CCDC102A: variants seen among roughly 807,000 people sequenced by gnomAD.
The protein encoded by CCDC102A is coiled-coil domain-containing protein 102A.
Under a neutral mutation model 55.5 loss-of-function variants are expected in CCDC102A, and 40 were observed. The observed-to-expected ratio is 0.72, with a 90% CI of 0.56 to 0.94. CCDC102A has a LOEUF of 0.94. Among genes scored for constraint, CCDC102A ranks in the 40% least tolerant of loss-of-function variants. The pLI is 0.00. For synonymous variants in CCDC102A, 323 were observed against 339.0 expected, an observed-to-expected ratio of 0.95 and a Z score of 0.52; for missense variants, 779 against 768.6, an observed-to-expected ratio of 1.01 and a Z score of -0.16.
chr16:57,524,734 G>C (rs182205251), intron 3 of CCDC102A, among the ~76,000 whole-genome samples: 1 of 151,966 alleles, frequency 6.6e-6, no homozygotes, highest in Non-Finnish European at 1.5e-5. Flanking sequence ...AAAGGAGTGT[G>C]TAGATAGGTT....
rs781545736 is a variant in CCDC102A, at chr16:57,528,754, C to T, written c.424G>A (p.Glu142Lys). 7.7e-6 allele frequency: 9 copies of T among 1,175,774 alleles called. No individual in the cohort carries two copies. Among genetic ancestry groups the T allele is most frequent in the Non-Finnish European group, 3.2e-6 (3 of 944,464 alleles). 72.8% of individuals were successfully genotyped at this position (1,175,774 alleles called of 1,614,324 possible). A position where few individuals can be genotyped will look rare whatever the true frequency, so the allele number is the denominator to read the frequency against. ...CACTCGCCCTGCGCCTCTTGGCGCTCGCGCCGTGCGCCCGCCAGCTCCTTG... is the reference window on the plus strand; with the variant it reads ...CACTCGCCCTGCGCCTCTTGGCGCTTGCGCCGTGCGCCCGCCAGCTCCTTG... ...LTKELAGARR[E>K]RQEAQGECEA... The change falls in exon 2 of 9, where the codon GAG becomes AAG. Residue 142 changes from glutamate (E) to lysine (K), a missense_variant. Glu to Lys is a moderately conservative substitution (Grantham distance 56, BLOSUM62 1). Coordinates refer to ENST00000258214, the MANE Select transcript of CCDC102A (RefSeq NM_033212.4).
At chr16:57,518,591 C>A in intron 5 of CCDC102A, 34 bp downstream of exon 5, 1 of 1,552,726 alleles carries the variant, frequency 6.4e-7, no homozygotes, top group Non-Finnish European at 8.9e-7. Flanking sequence ...GACCCCTAAA[C>A]CCAGGTCCTC....
chr16:57,529,289 C>G lies in CCDC102A; in HGVS notation c.-112G>C. The G allele has an allele frequency of 8.9e-7, 1 of 1,118,858 alleles. No homozygotes were observed. The highest frequency in any genetic ancestry group is 1.1e-6 in the Non-Finnish European group (1 of 914,298). 69.3% of individuals were successfully genotyped at this position (1,118,858 alleles called of 1,614,324 possible). ...GCATGATGACGCCGTGCCCCGCTTCCCTCTGGGCCACCGGGCGGAGGACGC... is the reference window on the plus strand; with the variant it reads ...GCATGATGACGCCGTGCCCCGCTTCGCTCTGGGCCACCGGGCGGAGGACGC... On this transcript the variant is annotated 5_prime_UTR_variant, in exon 2 of 9. Coordinates refer to ENST00000258214, the MANE Select transcript of CCDC102A (RefSeq NM_033212.4). This position sits in a 1 kb window ranked among gnomAD's most constrained non-coding sequence, Gnocchi z 4.1.
rs1000678885 is a variant in CCDC102A at position 57,529,776 on chromosome 16, A to G, written c.-147-452T>C. On this transcript the variant is annotated intron_variant, in intron 1 of 8. Transcript: ENST00000258214. The surrounding 1 kb of genome is among the most constrained non-coding windows in gnomAD (Gnocchi z 4.1). ...TGGAGCACTTCAGGCCAGGTCCATC[A>G]GCCCCTTATGTGTCTCCATCACTGC... 1.6e-4 allele frequency among the ~76,000 whole-genome samples: 25 copies of G among 152,144 alleles called. No homozygotes were observed. The highest frequency in any genetic ancestry group is 5.8e-4 in the African/African-American group (24 of 41,436).
intron 6 of CCDC102A, among the ~76,000 whole-genome samples, chr16:57,517,059 A>G (rs1257287242): frequency 6.6e-6 from 1 of 152,084 alleles, no homozygotes; most frequent in Non-Finnish European, 1.5e-5. Context: ...CTTGTTGTCC[A>G]GGGAATGTCA....
In CCDC102A at chr16:57,536,546, G is replaced by T. The variant is rs941363997; in HGVS notation, c.-194C>A. On this transcript the variant is annotated 5_prime_UTR_variant, in exon 1 of 9. Transcript: ENST00000258214. ...TCCGTACGTCCCAGCCGCTGCGGCG[G>T]GGTAGAGCGGGCACCGTGCAGCTGC... is the stretch of plus-strand genomic sequence containing the variant. The T allele has an allele frequency of 6.6e-6, 1 of 152,192 alleles. No individual in the cohort carries two copies. The highest frequency in any genetic ancestry group is 1.5e-5 in the Non-Finnish European group (1 of 68,024). The allele number at this position is 152,192 out of a possible 1,614,324, so 9.4% of individuals were successfully genotyped here. A position where few individuals can be genotyped will look rare whatever the true frequency, so the allele number is the denominator to read the frequency against.
intron 3 of CCDC102A, among the ~76,000 whole-genome samples, chr16:57,524,087 C>A: frequency 6.6e-6 from 1 of 152,084 alleles, no homozygotes; most frequent in Admixed American, 6.5e-5. Context: ...CAAGAGAGAA[C>A]CCTCTCTTCG....
At chr16:57,535,503 A>G (rs1032301590) in intron 1 of CCDC102A, among the ~76,000 whole-genome samples, 1 of 152,070 alleles carries the variant, frequency 6.6e-6, no homozygotes, top group Admixed American at 6.5e-5. Context: ...CCTCTTCTGG[A>G]TCTTAGCCAC....
At chr16:57,513,115 TCTGAA>T (rs2031894570) in intron 8 of CCDC102A, among the ~76,000 whole-genome samples, 1 of 152,128 alleles carries the variant, frequency 6.6e-6, no homozygotes, top group African/African-American at 2.4e-5. Context: ...GGGGCAGAGC[TCTGAA>T]CTGAAGTGGG....
chr16:57,518,302 G>A (rs1292502018), intron 5 of CCDC102A, 25 bp from the exon 6 acceptor site: 2 of 1,601,508 alleles, frequency 1.2e-6, no homozygotes, highest in Non-Finnish European at 8.5e-7. Context: ...GGCAGAGTGA[G>A]GACTCCCAGC....
At position 57,528,607 on chromosome 16, in the gene CCDC102A, G is replaced by A; in HGVS notation, c.571C>T (p.Pro191Ser). 1 of 1,266,738 alleles carries A rather than the reference G, an allele frequency of 7.9e-7. No individual in the cohort carries two copies. Among genetic ancestry groups the A allele is most frequent in the Non-Finnish European group, 1.0e-6 (1 of 998,898 alleles). 78.5% of individuals were successfully genotyped at this position (1,266,738 alleles called of 1,614,324 possible). A position where few individuals can be genotyped will look rare whatever the true frequency, so the allele number is the denominator to read the frequency against. Reference sequence around the variant, plus strand: ...GCGCCGCGCACCTGGCTGCCTGGCGGCCTCTCGGACCCGACGTCACGCACT... The same window carrying A: ...GCGCCGCGCACCTGGCTGCCTGGCGACCTCTCGGACCCGACGTCACGCACT... ...EPVRDVGSER[P>S]PGSQELELVE... is the part of the protein sequence containing the mutation. Residue 191 changes from proline (P) to serine (S), a missense_variant, in exon 2 of 9, where the codon CCG (proline) becomes TCG (serine). Pro to Ser is a moderately conservative substitution (Grantham distance 74). Coordinates refer to ENST00000258214, the MANE Select transcript of CCDC102A (RefSeq NM_033212.4).
At chr16:57,520,916 G>A (rs2032038799) in intron 4 of CCDC102A, 152 bp downstream of exon 4, 2 of 594,500 alleles carry the variant, frequency 3.4e-6, no homozygotes, top group Non-Finnish European at 6.0e-6. Flanking sequence ...CTCCAGCCTA[G>A]GTGACAGAGC....
intron 3 of CCDC102A, among the ~76,000 whole-genome samples, chr16:57,521,861 C>A (rs1447294722): frequency 6.6e-6 from 1 of 152,240 alleles, no homozygotes; most frequent in Admixed American, 6.5e-5. Flanking sequence ...CCACACCACA[C>A]TGGCCTCTCT....
At chr16:57,536,214 C>A (rs894679763) in intron 1 of CCDC102A, among the ~76,000 whole-genome samples, 2 of 152,102 alleles carry the variant, frequency 1.3e-5, no homozygotes, top group Non-Finnish European at 2.9e-5. Context: ...CCGCCGCCCC[C>A]TCCCGTCCGG....
At chr16:57,515,894 T>C (rs116266647) in intron 7 of CCDC102A, among the ~76,000 whole-genome samples, 2,415 of 151,684 alleles carry the variant, frequency 0.016, 59 homozygotes, top group African/African-American at 0.056. Flanking sequence ...TCCCTCTGTA[T>C]TCGTTCTTCC....
At chr16:57,514,917 G>C (rs543982652) in intron 8 of CCDC102A, among the ~76,000 whole-genome samples, 2 of 152,078 alleles carry the variant, frequency 1.3e-5, no homozygotes, top group Non-Finnish European at 2.9e-5. Flanking sequence ...GGCAGTGGAC[G>C]GGATCCAGGC....
At chr16:57,525,151 A>G (rs1481692490) in intron 3 of CCDC102A, among the ~76,000 whole-genome samples, 1 of 152,074 alleles carries the variant, frequency 6.6e-6, no homozygotes, top group Non-Finnish European at 1.5e-5. Flanking sequence ...GATGGAGTGC[A>G]GTGGCACAAT....
intron 7 of CCDC102A, 38 bp from the exon 8 acceptor site, chr16:57,515,482 C>T (rs779514190): frequency 1.4e-6 from 2 of 1,441,082 alleles, no homozygotes; most frequent in African/African-American, 2.8e-5. Flanking sequence ...CGAGGGTCAC[C>T]CAGGGCTGGG....
chr16:57,531,843 C>T (rs1341440401), intron 1 of CCDC102A, among the ~76,000 whole-genome samples: 1 of 152,254 alleles, frequency 6.6e-6, no homozygotes, highest in South Asian at 2.1e-4. Context: ...GTTCCCTCCA[C>T]TGCTTTGCCC....
Sources: allele counts gnomAD v4.1 joint callset (sites outside exome capture counted in the v4.1 genomes callset), GRCh38; gene constraint gnomAD v4.1.1; non-coding constraint Gnocchi (gnomAD v3.1); transcripts MANE v1.5; gene names NCBI Gene and HGNC (gene_info 2026-07-23, HGNC 2026-07-21).